Variants in CDK13 observed in about 807,000 individuals in gnomAD.
The protein encoded by CDK13 is cyclin-dependent kinase 13.
A neutral mutation model predicts 137.6 loss-of-function variants in CDK13; 40 were observed. The observed-to-expected ratio is 0.29, with a 90% CI of 0.23 to 0.38. The LOEUF (loss-of-function observed/expected upper bound fraction) is 0.38, where lower values mean the gene tolerates loss of function less well. Among genes scored for constraint, CDK13 ranks in the 10% least tolerant of loss-of-function variants. The pLI is 1.00. For synonymous variants in CDK13, 869 were observed against 760.1 expected (o/e 1.14, Z -2.36); for missense variants, 1,704 against 1,951.8 (o/e 0.87, Z 2.39).
At chr7:40,036,096 A>G (rs958564612) in intron 5 of CDK13, among the ~76,000 whole-genome samples, 13 of 151,396 alleles carry the variant, frequency 8.6e-5, no homozygotes, top group African/African-American at 2.9e-4. Flanking sequence ...GAGCCTAGGA[A>G]GTGGTGGCAA....
chr7:40,089,723 AGTGTGTGTGTGTGTGTGT>A (rs142023627), intron 12 of CDK13, among the ~76,000 whole-genome samples: 12,834 of 125,148 alleles, frequency 0.1, 888 homozygotes, highest in East Asian at 0.33. Flanking sequence ...AGAGAGAGAG[AGTGTGTGTGTGTGTGTGT>A]GTGTGTGTGT....
chr7:40,009,439 T>A (rs1418928174), intron 5 of CDK13, among the ~76,000 whole-genome samples: 4 of 152,248 alleles, frequency 2.6e-5, no homozygotes, highest in Non-Finnish European at 5.9e-5. Flanking sequence ...AGAAAAGTCC[T>A]AATCAATTCT....
Position 40,092,945 on chromosome 7 carries a change from T to C in CDK13, c.3396T>C (p.Pro1132=). ...TQQQLNKINL[P]AGILATGEKQ... is the part of the protein sequence containing the mutation. ...AGCAGCTAAATAAAATAAACCTTCC[T>C]GCTGGAATTTTGGCAACAGGTGAAA... The change falls in exon 13 of 14, where the codon CCT becomes CCC. Residue 1132 remains proline (P), a synonymous_variant. Transcript: ENST00000181839. 1 of 1,614,192 alleles carries C rather than the reference T, an allele frequency of 6.2e-7. No homozygotes were observed. Among genetic ancestry groups the C allele is most frequent in the Non-Finnish European group, 8.5e-7 (1 of 1,180,034 alleles).
At position 40,054,533 on chromosome 7, in the gene CDK13, C is replaced by T. The variant is rs374848542; in HGVS notation, c.2600+6656C>T. Among the ~76,000 whole-genome samples the T allele has an allele frequency of 5.3e-4, 81 of 151,962 alleles. 1 individual carries two copies. The highest frequency in any genetic ancestry group is 9.7e-4 in the Non-Finnish European group (66 of 67,990). On this transcript the variant is annotated intron_variant, in intron 7 of 13. Coordinates refer to ENST00000181839, the MANE Select transcript of CDK13 (RefSeq NM_003718.5). ...CCAACCTCTGTCTCCTGAGTTCAAG[C>T]GATTCTCCTGCCTCAGTCTCCCAAG...
At position 40,078,806 on chromosome 7, in the gene CDK13, G is replaced by A. The variant is rs754892891; in HGVS notation, c.2984G>A (p.Cys995Tyr). The A allele has an allele frequency of 1.3e-6, 2 of 1,522,834 alleles. No homozygotes were observed. The highest frequency in any genetic ancestry group is 3.8e-5 in the Admixed American group (2 of 52,926). The allele number at this position is 1,522,834 out of a possible 1,614,324, so 94.3% of individuals were successfully genotyped here. ...KRCTAEQALQ[C>Y]EFLRDVEPSK... ...TGCACTGCTGAACAGGCTCTTCAGT[G>A]CGAGTTCCTCCGAGATGTGGAACCC... Residue 995 changes from cysteine to tyrosine, a missense_variant, in exon 11 of 14, where the codon TGC (cysteine) becomes TAC (tyrosine). This residue lies in a region of CDK13 where 45 missense variants were observed against 57.0 expected (regional missense o/e 0.79). Transcript: ENST00000181839.
intron 12 of CDK13, among the ~76,000 whole-genome samples, chr7:40,089,815 G>T (rs906949726): frequency 1.3e-5 from 2 of 151,762 alleles, no homozygotes; most frequent in Non-Finnish European, 2.9e-5. Context: ...ATGAGTATAT[G>T]TTGATTGATG....
chr7:39,981,792 CT>C (rs545024171), intron 1 of CDK13, among the ~76,000 whole-genome samples: 20,465 of 136,122 alleles, frequency 0.15, 1,276 homozygotes, highest in Middle Eastern at 0.28. Flanking sequence ...TCCAAAATAT[CT>C]TTTTTTTTTT....
At chr7:39,958,213 A>G (rs1289932560) in intron 1 of CDK13, among the ~76,000 whole-genome samples, 2 of 152,202 alleles carry the variant, frequency 1.3e-5, no homozygotes, top group South Asian at 2.1e-4. Flanking sequence ...TAAATGATCT[A>G]CACGCCTCCC....
At chr7:40,089,721 A>AGTGTGT (rs1302558699) in intron 12 of CDK13, among the ~76,000 whole-genome samples, 369 of 126,786 alleles carry the variant, frequency 2.9e-3, no homozygotes, top group African/African-American at 0.013. Context: ...AGAGAGAGAG[A>AGTGTGT]GAGTGTGTGT....
rs535894884 is a variant in CDK13 at position 39,954,726 on chromosome 7, G to A, written c.1211+2874G>A. On this transcript the variant is annotated intron_variant, in intron 1 of 13. Transcript: ENST00000181839. The stretch of plus-strand genomic sequence containing the variant: ...GAATTGTCAGCGTAGATATTTTCAA[G>A]GAAATGCATACACATTCAAAATAGT... 2.0e-5 allele frequency among the ~76,000 whole-genome samples: 3 copies of A among 152,298 alleles called. No homozygotes were observed. In the South Asian group the frequency reaches 6.2e-4, roughly 32 times the overall value.
At chr7:40,052,515 A>G (rs1284089453) in intron 7 of CDK13, among the ~76,000 whole-genome samples, 2 of 152,270 alleles carry the variant, frequency 1.3e-5, no homozygotes, top group East Asian at 3.9e-4. Context: ...TATGATCAAA[A>G]TGAAAGTTTT....
intron 7 of CDK13, among the ~76,000 whole-genome samples, chr7:40,058,521 G>A (rs1041795721): frequency 3.1e-5 from 4 of 128,004 alleles, no homozygotes; most frequent in Non-Finnish European, 4.7e-5. Context: ...GCAACAGAGC[G>A]AGACTCTGTC....
At chr7:40,030,591 G>A (rs546878826) in intron 5 of CDK13, among the ~76,000 whole-genome samples, 35 of 151,870 alleles carry the variant, frequency 2.3e-4, no homozygotes, top group Non-Finnish European at 4.3e-4. Context: ...TACAGACAGG[G>A]TTTTGCTGTG....
chr7:39,951,310 CGGTGGCAGCGA>C lies in CDK13; in HGVS notation c.672_682del (p.Gly225LeufsTer41). ...AGCACCGGCGGCGGGATGGGCAGCG[CGGTGGCAGCGA>C]GGCCTCCAAGTCCCGCAGCCGCCAC... is the stretch of plus-strand genomic sequence containing the variant. On this transcript the variant is annotated frameshift_variant, in exon 1 of 14. Coordinates refer to ENST00000181839, the MANE Select transcript of CDK13 (RefSeq NM_003718.5). LOFTEE classifies it high-confidence loss of function. The C allele has an allele frequency of 7.2e-7, 1 of 1,397,288 alleles. No homozygotes were observed. 86.6% of individuals were successfully genotyped at this position (1,397,288 alleles called of 1,614,324 possible). A position where few individuals can be genotyped will look rare whatever the true frequency, so the allele number is the denominator to read the frequency against.
At chr7:40,068,814 G>C (rs1786345289) in intron 9 of CDK13, among the ~76,000 whole-genome samples, 1 of 151,730 alleles carries the variant, frequency 6.6e-6, no homozygotes, top group African/African-American at 2.4e-5. Context: ...ATCTCATTTA[G>C]GTAAAACAAA....
At position 39,997,487 on chromosome 7, in the gene CDK13, C is replaced by T. The variant is rs752571575; in HGVS notation, c.1872-7C>T. Reference sequence around the variant, plus strand: ...TGTTTTATTTGTCTGACTTCTTTCACTTTCAGCTTACGAGGAAATATTTCA... The same window carrying T: ...TGTTTTATTTGTCTGACTTCTTTCATTTTCAGCTTACGAGGAAATATTTCA... On this transcript the variant is annotated splice_polypyrimidine_tract_variant and splice_region_variant and intron_variant, in intron 2 of 13. Transcript: ENST00000181839. 5 of 1,587,198 alleles carry T rather than the reference C, an allele frequency of 3.2e-6. No individual in the cohort carries two copies. The highest frequency in any genetic ancestry group is 4.3e-6 in the Non-Finnish European group (5 of 1,173,598).
intron 11 of CDK13, among the ~76,000 whole-genome samples, chr7:40,081,800 C>T (rs892399191): frequency 2.6e-5 from 4 of 152,098 alleles, no homozygotes; most frequent in Admixed American, 1.3e-4. Flanking sequence ...TTAGTAGAGA[C>T]AGGGTTTCTC....
intron 1 of CDK13, among the ~76,000 whole-genome samples, chr7:39,976,632 A>G (rs1226803662): frequency 6.6e-6 from 1 of 151,888 alleles, no homozygotes; most frequent in Non-Finnish European, 1.5e-5. Flanking sequence ...CCAAAATAGT[A>G]CTCCACTCTA....
chr7:39,984,292 T>G (rs1309236162), intron 1 of CDK13: 1 of 151,972 alleles, frequency 6.6e-6, no homozygotes, highest in Non-Finnish European at 1.5e-5. Flanking sequence ...ACACCTGTTG[T>G]CCCAGCTACT....
Sources: allele counts gnomAD v4.1 joint callset (sites outside exome capture counted in the v4.1 genomes callset), GRCh38; gene constraint gnomAD v4.1.1; regional missense constraint gnomAD v4.1.1; transcripts MANE v1.5; gene names NCBI Gene and HGNC (gene_info 2026-07-23, HGNC 2026-07-21).